Variants in PTPRN2 observed in about 807,000 individuals in gnomAD.
PTPRN2 encodes receptor-type tyrosine-protein phosphatase N2.
A neutral mutation model predicts 118.8 loss-of-function variants in PTPRN2; 74 were observed. The ratio of observed to expected loss-of-function variants is 0.62; its 90% confidence interval spans 0.52 to 0.76. PTPRN2 has a LOEUF of 0.76. Among genes scored for constraint, PTPRN2 ranks in the 30% least tolerant of loss-of-function variants. The pLI, the probability that PTPRN2 is intolerant of heterozygous loss-of-function variation, is 0.00. For missense variants in PTPRN2, 1,481 were observed against 1,394.4 expected (o/e 1.06, Z -0.99); for synonymous variants, 641 against 608.0 (o/e 1.05, Z -0.80).
At chr7:157,773,258 G>A (rs969178042) in intron 12 of PTPRN2, among the ~76,000 whole-genome samples, 1 of 152,216 alleles carries the variant, frequency 6.6e-6, no homozygotes, top group Admixed American at 6.5e-5. Context: ...CTGGCCTTTA[G>A]CTGAGGTTTA....
chr7:158,561,359 C>A (rs1827372560), intron 1 of PTPRN2, among the ~76,000 whole-genome samples: 1 of 152,090 alleles, frequency 6.6e-6, no homozygotes, highest in Non-Finnish European at 1.5e-5. Context: ...GACAGCTCTT[C>A]GGGGGTGTGG....
intron 2 of PTPRN2, among the ~76,000 whole-genome samples, chr7:158,407,333 GGTCCTGC>G (rs1813626297): frequency 3.8e-5 from 4 of 105,400 alleles, no homozygotes; most frequent in Non-Finnish European, 5.8e-5. Flanking sequence ...CTGCGTCCTG[GGTCCTGC>G]GTCCTGGGTC....
chr7:157,801,092 T>C lies in PTPRN2; in HGVS notation c.1788+97581A>G, dbSNP rs189979032. Among the ~76,000 whole-genome samples, 3,580 of 151,262 alleles carry C rather than the reference T, an allele frequency of 0.024. 140 individuals are homozygous for C. Among genetic ancestry groups the C allele is most frequent in the African/African-American group, 0.079 (3,247 of 40,980 alleles). On this transcript the variant is annotated intron_variant, in intron 12 of 22. Transcript: ENST00000389418. This position sits in a 1 kb window ranked among gnomAD's most constrained non-coding sequence, Gnocchi z 4.2. ...ACATATATATACACACACACACACA[T>C]ATATATATGCACATATATATGAATA... is the stretch of plus-strand genomic sequence containing the variant.
In PTPRN2 at chr7:157,788,853, G is replaced by A. The variant is rs185238181; in HGVS notation, c.1789-105916C>T. On this transcript the variant is annotated intron_variant, in intron 12 of 22. Coordinates refer to ENST00000389418, the MANE Select transcript of PTPRN2 (RefSeq NM_002847.5). ...CTTCTCTGCCATGTGGGAGGCAGCC[G>A]GGGCCACATCTCTGCTATGCTGGAG... Among the ~76,000 whole-genome samples the A allele has an allele frequency of 2.0e-3, 310 of 152,326 alleles. 2 individuals carry two copies. Among genetic ancestry groups the A allele is most frequent in the Admixed American group, 5.3e-3 (81 of 15,308 alleles).
At chr7:158,466,565 C>CCATT (rs1381816721) in intron 2 of PTPRN2, among the ~76,000 whole-genome samples, 2 of 152,158 alleles carry the variant, frequency 1.3e-5, no homozygotes, top group Non-Finnish European at 2.9e-5. Flanking sequence ...ATTGCTCTAT[C>CCATT]CATTCATCCA....
chr7:157,996,799 T>A (rs1287723518), intron 11 of PTPRN2, among the ~76,000 whole-genome samples: 2 of 152,210 alleles, frequency 1.3e-5, no homozygotes, highest in African/African-American at 4.8e-5. Context: ...AAAGAATGGA[T>A]CTTTTCTTCT....
chr7:158,475,148 G>A (rs1425358883), intron 2 of PTPRN2, among the ~76,000 whole-genome samples: 3 of 152,144 alleles, frequency 2.0e-5, no homozygotes, highest in African/African-American at 4.8e-5. Flanking sequence ...ACGGTGGCAG[G>A]CGGGAGGGCT....
At position 157,779,049 on chromosome 7, in the gene PTPRN2, G is replaced by A. The variant is rs1411761346; in HGVS notation, c.1789-96112C>T. On this transcript the variant is annotated intron_variant, in intron 12 of 22. Transcript: ENST00000389418. The surrounding 1 kb of genome is among the most constrained non-coding windows in gnomAD (Gnocchi z 4.7). ...GCCAGGTGGCCGTGTTCTCTGAGGG[G>A]TTGTGCCGGGGTCTTCAGACAGTGC... Among the ~76,000 whole-genome samples the A allele has an allele frequency of 3.9e-5, 6 of 152,246 alleles. No homozygotes were observed. Among genetic ancestry groups the A allele is most frequent in the Admixed American group, 3.9e-4 (6 of 15,294 alleles).
chr7:158,016,466 G>T (rs1806469148), intron 11 of PTPRN2, among the ~76,000 whole-genome samples: 1 of 152,232 alleles, frequency 6.6e-6, no homozygotes, highest in Non-Finnish European at 1.5e-5. Context: ...AGCCCAGCAT[G>T]GCTGACTTCC....
At chr7:157,820,160 CAT>C (rs1349452565) in intron 12 of PTPRN2, among the ~76,000 whole-genome samples, 1 of 151,196 alleles carries the variant, frequency 6.6e-6, no homozygotes, top group Non-Finnish European at 1.5e-5. Context: ...CACGCACACA[CAT>C]ATAGAACACC....
At chr7:157,731,089 C>A (rs1416775148) in intron 12 of PTPRN2, among the ~76,000 whole-genome samples, 1 of 152,164 alleles carries the variant, frequency 6.6e-6, no homozygotes, top group East Asian at 1.9e-4. Flanking sequence ...CAGTTCCCAG[C>A]AGCCTTAGGA....
chr7:158,106,497 A>G (rs1002168728), intron 10 of PTPRN2, among the ~76,000 whole-genome samples: 1 of 152,186 alleles, frequency 6.6e-6, no homozygotes, highest in Non-Finnish European at 1.5e-5. Flanking sequence ...TCCGTGTATC[A>G]TCTGGAAGAA....
At chr7:158,264,250 A>G (rs1456684413) in intron 3 of PTPRN2, among the ~76,000 whole-genome samples, 1 of 152,180 alleles carries the variant, frequency 6.6e-6, no homozygotes, top group Admixed American at 6.5e-5. Context: ...AAACCATGCA[A>G]TTCAGTAGGG....
chr7:158,508,416 T>A (rs1563372862), intron 1 of PTPRN2, among the ~76,000 whole-genome samples: 2 of 152,014 alleles, frequency 1.3e-5, no homozygotes, highest in African/African-American at 4.8e-5. Context: ...GTGAGGAGGA[T>A]GCATGGATCA....
intron 6 of PTPRN2, among the ~76,000 whole-genome samples, chr7:158,149,142 G>C (rs199512757): frequency 3.6e-4 from 17 of 47,826 alleles, no homozygotes; most frequent in African/African-American, 1.4e-3. Context: ...CTCACGCCAC[G>C]TGTCTTTCCC....
At chr7:157,851,174 G>C (rs780620911) in intron 12 of PTPRN2, among the ~76,000 whole-genome samples, 3 of 152,224 alleles carry the variant, frequency 2.0e-5, no homozygotes, top group Non-Finnish European at 2.9e-5. Flanking sequence ...GTTCTCTAAC[G>C]AGGGTGCATT....
intron 11 of PTPRN2, among the ~76,000 whole-genome samples, chr7:158,005,722 C>T (rs1441776733): frequency 6.6e-6 from 1 of 152,144 alleles, no homozygotes; most frequent in Non-Finnish European, 1.5e-5. Context: ...TGCTCGTGGC[C>T]CACGAGGGGT....
chr7:158,253,161 C>T (rs929271422), intron 3 of PTPRN2, among the ~76,000 whole-genome samples: 1 of 152,168 alleles, frequency 6.6e-6, no homozygotes, highest in Non-Finnish European at 1.5e-5. Flanking sequence ...TGAGCCTTTT[C>T]TTCTAATAAA....
rs758882193 is a variant in PTPRN2 at position 157,903,989 on chromosome 7, G to A, written c.1724-5252C>T. On this transcript the variant is annotated intron_variant, in intron 11 of 22. Coordinates refer to ENST00000389418, the MANE Select transcript of PTPRN2 (RefSeq NM_002847.5). The surrounding 1 kb of genome is among the most constrained non-coding windows in gnomAD (Gnocchi z 4.2). Reference sequence around the variant, plus strand: ...CGTGACAGCGGCTGTTTTGCTGCATGTCTCATGGCCGGGCCACTGTCACTT... The same window carrying A: ...CGTGACAGCGGCTGTTTTGCTGCATATCTCATGGCCGGGCCACTGTCACTT... 5.3e-5 allele frequency among the ~76,000 whole-genome samples: 8 copies of A among 152,154 alleles called. No individual in the cohort carries two copies. Among genetic ancestry groups the A allele is most frequent in the Non-Finnish European group, 1.2e-4 (8 of 68,044 alleles).
Sources: allele counts gnomAD v4.1 joint callset (sites outside exome capture counted in the v4.1 genomes callset), GRCh38; gene constraint gnomAD v4.1.1; non-coding constraint Gnocchi (gnomAD v3.1); transcripts MANE v1.5; gene names NCBI Gene and HGNC (gene_info 2026-07-23, HGNC 2026-07-21).